The following TDG variants were observed in gnomAD, a reference collection of about 807,000 sequenced individuals.
TDG encodes the protein thymine DNA glycosylase, also known as G/T mismatch-specific thymine DNA glycosylase.
TDG carries 23 observed loss-of-function variants against 46.1 expected under a neutral mutation model. That is an observed-to-expected ratio of 0.50 (90% CI 0.36 to 0.71). TDG has a LOEUF of 0.71. TDG is among the 30% of genes least tolerant of loss of function. TDG has a pLI of 0.00. For synonymous variants in TDG, 115 were observed against 161.3 expected, an observed-to-expected ratio of 0.71 and a Z score of 2.18; for missense variants, 304 against 486.7, an observed-to-expected ratio of 0.62 and a Z score of 3.53.
At chr12:103,980,118 T>G (rs1593514716) in intron 3 of TDG, 46 bp downstream of exon 3, 2 of 1,606,080 alleles carry the variant, frequency 1.2e-6, no homozygotes, top group East Asian at 4.5e-5. Flanking sequence ...TATTGGGGGA[T>G]CAGCTTTACT....
chr12:103,978,954 G>A (rs1871672698), intron 2 of TDG, among the ~76,000 whole-genome samples: 1 of 152,048 alleles, frequency 6.6e-6, no homozygotes, highest in South Asian at 2.1e-4. Flanking sequence ...ACGTCCTGAG[G>A]TTGGATCCCT....
chr12:103,980,619 G>A, intron 3 of TDG: 1 of 326,292 alleles, frequency 3.1e-6, no homozygotes, highest in Non-Finnish European at 5.6e-6. Context: ...ACTCAAAGCA[G>A]CCCAGTTGGT....
chr12:103,971,305 G>T (rs1871273252), intron 1 of TDG, among the ~76,000 whole-genome samples: 1 of 152,214 alleles, frequency 6.6e-6, no homozygotes, highest in Non-Finnish European at 1.5e-5. Context: ...GCTCACACCT[G>T]TAATCCCAGC....
At chr12:103,978,499 A>G (rs1242624657) in intron 2 of TDG, among the ~76,000 whole-genome samples, 2 of 152,234 alleles carry the variant, frequency 1.3e-5, no homozygotes, top group Non-Finnish European at 2.9e-5. Flanking sequence ...CTGCCTCCGC[A>G]TTAGGACTTC....
chr12:103,973,315 C>T (rs531471152), intron 1 of TDG, among the ~76,000 whole-genome samples: 64 of 152,142 alleles, frequency 4.2e-4, no homozygotes, highest in Non-Finnish European at 7.8e-4. Flanking sequence ...GAACTCCTGA[C>T]CTCAGGTGAT....
At chr12:103,975,655 C>T (rs1262720682) in intron 1 of TDG, among the ~76,000 whole-genome samples, 1 of 151,942 alleles carries the variant, frequency 6.6e-6, no homozygotes, top group Non-Finnish European at 1.5e-5. Flanking sequence ...TCCTCTTGAC[C>T]TAATCACCAT....
rs1426731310 is a variant in TDG at position 103,979,966 on chromosome 12, C to T, written c.302C>T (p.Thr101Ile). The T allele has an allele frequency of 6.2e-7, 1 of 1,612,874 alleles. No homozygotes were observed. Among genetic ancestry groups the T allele is most frequent in the Non-Finnish European group, 8.5e-7 (1 of 1,179,950 alleles). The change falls in exon 3 of 10, where the codon ACA becomes ATA. Residue 101 changes from threonine (T) to isoleucine (I), a missense_variant. Transcript: ENST00000392872. ...SKEKQEKITDTFKVKRKVDRF... is the reference protein window; with the variant it reads ...SKEKQEKITDIFKVKRKVDRF... ...GAAAAACAAGAAAAAATTACAGACA[C>T]ATTTAAAGTAAAAAGAAAAGTAGAC...
rs1170170127 is a variant in TDG, at chr12:103,980,879, G to A, written c.409-14G>A. The A allele has an allele frequency of 1.6e-5, 25 of 1,611,864 alleles. No homozygotes were observed. Among genetic ancestry groups the A allele is most frequent in the Non-Finnish European group, 2.0e-5 (24 of 1,179,412 alleles). On this transcript the variant is annotated splice_polypyrimidine_tract_variant and intron_variant, in intron 3 of 9. Transcript: ENST00000392872. Reference sequence around the variant, plus strand: ...GCTTTTTAAGATGAAATGTCTAATTGTTTTGTTTTATAGATTGGCATAAAC... The same window carrying A: ...GCTTTTTAAGATGAAATGTCTAATTATTTTGTTTTATAGATTGGCATAAAC...
chr12:103,979,319 G>T (rs1263776031), intron 2 of TDG, among the ~76,000 whole-genome samples: 1 of 151,936 alleles, frequency 6.6e-6, no homozygotes, highest in African/African-American at 2.4e-5. Context: ...GGCCAGGCTG[G>T]TCTTGAACTC....
chr12:103,986,886 A>G, intron 9 of TDG, 62 bp from the exon 10 acceptor site: 2 of 1,577,082 alleles, frequency 1.3e-6, no homozygotes, highest in Admixed American at 1.7e-5. Context: ...CCCAGTCTCT[A>G]CTTTAAAAAA....
intron 2 of TDG, among the ~76,000 whole-genome samples, 174 bp downstream of exon 2, chr12:103,977,234 C>T (rs1332011883): frequency 6.6e-6 from 1 of 152,100 alleles, no homozygotes; most frequent in African/African-American, 2.4e-5. Context: ...GAACATGGGT[C>T]CTGCCCAAAA....
Position 103,976,772 on chromosome 12 carries a change from C to A in TDG, c.24-146C>A. 4 of 956,698 alleles carry A rather than the reference C, an allele frequency of 4.2e-6. No homozygotes were observed. In the South Asian group the frequency reaches 4.8e-5, roughly 11 times the overall value. The allele number at this position is 956,698 out of a possible 1,614,324, so 59.3% of individuals were successfully genotyped here. ...TGAACATGTACATACAGGACTAGATCTCTCCTCTGTAATCCACTCTAAATA... is the reference window on the plus strand; with the variant it reads ...TGAACATGTACATACAGGACTAGATATCTCCTCTGTAATCCACTCTAAATA... On this transcript the variant is annotated intron_variant, in intron 1 of 9. Transcript: ENST00000392872.
intron 2 of TDG, among the ~76,000 whole-genome samples, chr12:103,979,326 A>G (rs968562779): frequency 6.6e-6 from 1 of 151,212 alleles, no homozygotes; most frequent in African/African-American, 2.4e-5. Context: ...CTGGTCTTGA[A>G]CTCCTGACGT....
intron 2 of TDG, among the ~76,000 whole-genome samples, chr12:103,977,587 AGG>A (rs1484798163): frequency 1.3e-5 from 2 of 152,204 alleles, no homozygotes; most frequent in Non-Finnish European, 2.9e-5. Flanking sequence ...AAATGGTGAG[AGG>A]TGAGGCTGGA....
intron 1 of TDG, among the ~76,000 whole-genome samples, chr12:103,975,454 A>C (rs1379317278): frequency 1.3e-5 from 2 of 152,072 alleles, no homozygotes; most frequent in African/African-American, 4.8e-5. Context: ...GGAGCCTGGG[A>C]AGTCCAAGAT....
chr12:103,969,357 A>T (rs185553942), intron 1 of TDG, among the ~76,000 whole-genome samples: 1 of 152,342 alleles, frequency 6.6e-6, no homozygotes, highest in East Asian at 1.9e-4. Context: ...AGTGAGCAAG[A>T]TGGAGATGGA....
chr12:103,982,492 C>T (rs775253235), intron 4 of TDG, among the ~76,000 whole-genome samples: 1 of 152,156 alleles, frequency 6.6e-6, no homozygotes, highest in African/African-American at 2.4e-5. Context: ...TAAATCCAAG[C>T]GCTGTGGCTC....
At chr12:103,972,562 C>G (rs4135066) in intron 1 of TDG, among the ~76,000 whole-genome samples, 1 of 152,090 alleles carries the variant, frequency 6.6e-6, no homozygotes, top group Non-Finnish European at 1.5e-5. Context: ...GGTAAACAAA[C>G]TAAGTTTAAT....
Position 103,980,069 on chromosome 12 carries a change from C to T in TDG, c.405C>T (p.Val135=). The T allele has an allele frequency of 6.2e-7, 1 of 1,613,728 alleles. No individual in the cohort carries two copies. The highest frequency in any genetic ancestry group is 8.5e-7 in the Non-Finnish European group (1 of 1,179,828). ...TTTTGACCTTCAATCTGGACATTGT[C>T]ATTGTAAGATCTTTGTCCTCGTTGG... The part of the protein sequence containing the change: ...PDILTFNLDI[V]IIGINPGLMA... The change falls in exon 3 of 10, where the codon GTC becomes GTT. Residue 135 remains valine (V), a synonymous_variant. Coordinates refer to ENST00000392872, the MANE Select transcript of TDG (RefSeq NM_003211.6).
Sources: gnomAD v4.1 joint callset for allele counts (sites outside exome capture counted in the v4.1 genomes callset) on GRCh38, gnomAD v4.1.1 for gene constraint, MANE v1.5 for transcripts, NCBI Gene and HGNC (gene_info 2026-07-23, HGNC 2026-07-21) for gene names.